The following TCF4 variants were observed in gnomAD, a reference collection of about 807,000 sequenced individuals.
TCF4 encodes the protein SL3-3 enhancer factor 2.
A neutral mutation model predicts 82.1 loss-of-function variants in TCF4; 3 were observed. That is an observed-to-expected ratio of 0.04 (90% confidence interval 0.02 to 0.09). The LOEUF (loss-of-function observed/expected upper bound fraction) is 0.09, where lower values mean the gene tolerates loss of function less well. Ranked by LOEUF, TCF4 falls within the 10% of genes least tolerant of loss-of-function variation. The pLI is 1.00. For synonymous variants in TCF4, 276 were observed against 309.6 expected, an observed-to-expected ratio of 0.89 and a Z score of 1.14; for missense variants, 518 against 852.7, an observed-to-expected ratio of 0.61 and a Z score of 4.89.
At chr18:55,279,799 C>CTG (rs2062180791) in intron 8 of TCF4, 143 bp from the exon 9 acceptor site, 1 of 1,311,546 alleles carries the variant, frequency 7.6e-7, no homozygotes, top group African/African-American at 1.5e-5. Flanking sequence ...AAACAGTGCC[C>CTG]TTTCCGAACA....
chr18:55,424,199 A>C (rs1320594386), intron 5 of TCF4, among the ~76,000 whole-genome samples: 1 of 152,202 alleles, frequency 6.6e-6, no homozygotes, highest in Non-Finnish European at 1.5e-5. Context: ...GTTAGAAATT[A>C]ATTAATTGGA....
intron 3 of TCF4, among the ~76,000 whole-genome samples, chr18:55,570,905 A>G (rs902456158): frequency 6.6e-6 from 1 of 151,908 alleles, no homozygotes; most frequent in Non-Finnish European, 1.5e-5. Flanking sequence ...AAAAAAAAAA[A>G]AAAGACTATA....
chr18:55,372,769 C>T (rs1216745287), intron 6 of TCF4, among the ~76,000 whole-genome samples: 1 of 152,058 alleles, frequency 6.6e-6, no homozygotes, highest in Non-Finnish European at 1.5e-5. Context: ...GGAAACATAT[C>T]AACCTCAACA....
chr18:55,372,912 T>C (rs895965703), intron 6 of TCF4, among the ~76,000 whole-genome samples: 1 of 151,906 alleles, frequency 6.6e-6, no homozygotes, highest in Non-Finnish European at 1.5e-5. Flanking sequence ...TAATTTGAAA[T>C]ATGTGAGTTA....
At chr18:55,607,535 G>A (rs1001783783) in intron 2 of TCF4, among the ~76,000 whole-genome samples, 3 of 152,128 alleles carry the variant, frequency 2.0e-5, no homozygotes, top group Admixed American at 6.6e-5. Flanking sequence ...ACAAAACTCA[G>A]GAGAAGCTAT....
intron 5 of TCF4, among the ~76,000 whole-genome samples, chr18:55,457,776 T>A (rs926682764): frequency 6.6e-6 from 1 of 152,222 alleles, no homozygotes; most frequent in Non-Finnish European, 1.5e-5. Context: ...GAACTAAGTT[T>A]TGGAATTTCA....
intron 2 of TCF4, among the ~76,000 whole-genome samples, chr18:55,603,001 A>G (rs1201918885): frequency 6.6e-6 from 1 of 152,198 alleles, no homozygotes; most frequent in African/African-American, 2.4e-5. Flanking sequence ...TTCCCCATTC[A>G]ATTCAAGATG....
intron 3 of TCF4, among the ~76,000 whole-genome samples, chr18:55,507,552 G>A (rs994300638): frequency 6.6e-6 from 1 of 151,882 alleles, no homozygotes; most frequent in Admixed American, 6.6e-5. Flanking sequence ...TACAGATAAG[G>A]GGGGCGGGGG....
At chr18:55,397,717 G>C (rs2093582284) in intron 6 of TCF4, among the ~76,000 whole-genome samples, 1 of 152,060 alleles carries the variant, frequency 6.6e-6, no homozygotes, top group Non-Finnish European at 1.5e-5. Context: ...AGAAACTACT[G>C]TTAATCTCTT....
At chr18:55,237,690 C>T (rs2049957152) in intron 15 of TCF4, among the ~76,000 whole-genome samples, 1 of 152,022 alleles carries the variant, frequency 6.6e-6, no homozygotes, top group African/African-American at 2.4e-5. Flanking sequence ...ATGTGAATGC[C>T]CTCTGATAGG....
Position 55,587,389 on chromosome 18 carries a change from C to T in TCF4, c.-20-253G>A, listed in dbSNP as rs2097660325. On this transcript the variant is annotated intron_variant, in intron 1 of 19. Coordinates refer to ENST00000354452, the MANE Select transcript of TCF4 (RefSeq NM_001083962.2). Reference sequence around the variant, plus strand: ...AAAAAAAAAAAGCGATATTGTATTTCCAAAGAGACGATCAAACTGGTAACA... The same window carrying T: ...AAAAAAAAAAAGCGATATTGTATTTTCAAAGAGACGATCAAACTGGTAACA... 7.4e-5 allele frequency among the ~76,000 whole-genome samples: 7 copies of T among 95,166 alleles called. No homozygotes were observed. The South Asian group carries it at 2.6e-3, about 35-fold the overall frequency. 62.4% of individuals were successfully genotyped at this position (95,166 alleles called of 152,430 possible).
At chr18:55,231,548 A>C (rs1467839118) in intron 17 of TCF4, 1 of 152,260 alleles carries the variant, frequency 6.6e-6, no homozygotes, top group Non-Finnish European at 1.5e-5. Context: ...CAATAAGTTA[A>C]ATTACCAAGA....
chr18:55,378,561 C>T (rs1469917341), intron 6 of TCF4, among the ~76,000 whole-genome samples: 1 of 152,098 alleles, frequency 6.6e-6, no homozygotes, highest in South Asian at 2.1e-4. Flanking sequence ...TAAATACCTG[C>T]CCCAGGCTAG....
chr18:55,545,228 T>C (rs981410349), intron 3 of TCF4, among the ~76,000 whole-genome samples: 4 of 152,198 alleles, frequency 2.6e-5, no homozygotes, highest in Non-Finnish European at 5.9e-5. Flanking sequence ...AATGAATCTG[T>C]CACATAAAAA....
At chr18:55,468,291 G>A (rs1040314248) in intron 3 of TCF4, among the ~76,000 whole-genome samples, 1 of 152,160 alleles carries the variant, frequency 6.6e-6, no homozygotes, top group Non-Finnish European at 1.5e-5. Flanking sequence ...CTAGAAGTGG[G>A]TCAAAACTTT....
chr18:55,428,893 TGATGAG>T, intron 5 of TCF4, among the ~76,000 whole-genome samples: 1 of 152,186 alleles, frequency 6.6e-6, no homozygotes, highest in African/African-American at 2.4e-5. Context: ...TTTGGTGAAC[TGATGAG>T]AGGTCTACTC....
chr18:55,587,238 G>C (rs1196182730), intron 1 of TCF4, 102 bp from the exon 2 acceptor site: 2 of 673,098 alleles, frequency 3.0e-6, no homozygotes, highest in Non-Finnish European at 5.3e-6. Context: ...TGGGGACGTG[G>C]GGGCGGGTGG....
chr18:55,371,286 C>T (rs542989790), intron 6 of TCF4, among the ~76,000 whole-genome samples: 1 of 152,260 alleles, frequency 6.6e-6, no homozygotes, highest in Admixed American at 6.5e-5. Context: ...AAAAAAGAGG[C>T]TAAAATAATC....
intron 6 of TCF4, among the ~76,000 whole-genome samples, chr18:55,397,245 T>C (rs757829725): frequency 6.6e-6 from 1 of 152,154 alleles, no homozygotes; most frequent in Non-Finnish European, 1.5e-5. Flanking sequence ...GCACCCCCAA[T>C]GAAGTACTCC....
Sources: gnomAD v4.1 joint callset for allele counts (sites outside exome capture counted in the v4.1 genomes callset) on GRCh38, gnomAD v4.1.1 for gene constraint, MANE v1.5 for transcripts, NCBI Gene and HGNC (gene_info 2026-07-23, HGNC 2026-07-21) for gene names.